The following ALPK1 variants were observed in gnomAD, a reference collection of about 807,000 sequenced individuals.
ALPK1 encodes alpha kinase 1.
A neutral mutation model predicts 120.6 loss-of-function variants in ALPK1; 110 were observed. That is an observed-to-expected ratio of 0.91 (90% CI 0.78 to 1.07). The LOEUF (loss-of-function observed/expected upper bound fraction) is 1.07, where lower values mean the gene tolerates loss of function less well. Among genes scored for constraint, ALPK1 ranks in the 50% least tolerant of loss-of-function variants. The probability of loss-of-function intolerance (pLI) is 0.00; values close to 1 mark genes in which losing one functional copy is unlikely to be tolerated. For missense variants in ALPK1, 1,498 were observed against 1,483.9 expected, an observed-to-expected ratio of 1.01 and a Z score of -0.16; for synonymous variants, 582 against 560.3, an observed-to-expected ratio of 1.04 and a Z score of -0.55.
At chr4:112,363,065 C>T (rs1022541397) in intron 2 of ALPK1, among the ~76,000 whole-genome samples, 1 of 152,196 alleles carries the variant, frequency 6.6e-6, no homozygotes, top group African/African-American at 2.4e-5. Flanking sequence ...CAAGCCAGCA[C>T]TGCAAGAACT....
At chr4:112,357,438 C>G in intron 2 of ALPK1, 1 of 703,148 alleles carries the variant, frequency 1.4e-6, no homozygotes, top group Non-Finnish European at 2.6e-6. Flanking sequence ...CCATCTGATG[C>G]CTGGAGCACC....
chr4:112,405,893 C>T (rs920950399), intron 4 of ALPK1, among the ~76,000 whole-genome samples: 1 of 152,116 alleles, frequency 6.6e-6, no homozygotes, highest in African/African-American at 2.4e-5. Context: ...ATTTCTTATT[C>T]CCAGATTAGG....
chr4:112,369,055 T>G (rs572210876), intron 2 of ALPK1, among the ~76,000 whole-genome samples: 2 of 152,372 alleles, frequency 1.3e-5, no homozygotes, highest in Admixed American at 1.3e-4. Context: ...TGAGTACTGC[T>G]TCCTCTCTTG....
chr4:112,308,986 G>T (rs1027641278), intron 1 of ALPK1, among the ~76,000 whole-genome samples: 1 of 152,154 alleles, frequency 6.6e-6, no homozygotes, highest in African/African-American at 2.4e-5. Flanking sequence ...CTCAGCTGCA[G>T]GTCTGTTGGA....
At chr4:112,439,388 C>A (rs1286912828) in intron 13 of ALPK1, among the ~76,000 whole-genome samples, 1 of 152,154 alleles carries the variant, frequency 6.6e-6, no homozygotes, top group Non-Finnish European at 1.5e-5. Context: ...GTAACCTAGC[C>A]TCCAGGACAG....
At chr4:112,376,448 C>T (rs1308903794) in intron 2 of ALPK1, among the ~76,000 whole-genome samples, 2 of 152,058 alleles carry the variant, frequency 1.3e-5, no homozygotes, top group African/African-American at 4.8e-5. Context: ...ACGAAGTATA[C>T]CTGCCAAGTT....
intron 2 of ALPK1, among the ~76,000 whole-genome samples, chr4:112,374,403 T>C (rs1731559147): frequency 6.6e-6 from 1 of 152,220 alleles, no homozygotes; most frequent in Non-Finnish European, 1.5e-5. Context: ...TGCAGCTACT[T>C]CCACCACTGA....
intron 2 of ALPK1, among the ~76,000 whole-genome samples, chr4:112,374,268 C>T (rs983672595): frequency 1.3e-5 from 2 of 152,190 alleles, no homozygotes; most frequent in Non-Finnish European, 2.9e-5. Context: ...TCTCAAGAAA[C>T]CACCTTCCTT....
At position 112,430,952 on chromosome 4, in the gene ALPK1, G is replaced by A. The variant is rs1457940918; in HGVS notation, c.1405G>A (p.Val469Ile). Residue 469 changes from valine to isoleucine, a missense_variant, in exon 11 of 16, where the codon GTA becomes ATA. Physicochemically the swap from Val to Ile is conservative, Grantham distance 29. Transcript: ENST00000650871. ...ACAGCACCATACTTCGGTGTGTGAA[G>A]TATTTGAAAGTGATTGTGGAAACAA... Reference protein sequence around the residue: ...YSQHHTSVCEVFESDCGNNKN... With the variant: ...YSQHHTSVCEIFESDCGNNKN... The A allele has an allele frequency of 1.2e-6, 2 of 1,614,006 alleles. No individual in the cohort carries two copies. Among genetic ancestry groups the A allele is most frequent in the South Asian group, 1.1e-5 (1 of 91,084 alleles).
chr4:112,403,668 A>T (rs554056324), intron 4 of ALPK1, among the ~76,000 whole-genome samples: 1 of 152,214 alleles, frequency 6.6e-6, no homozygotes, highest in African/African-American at 2.4e-5. Context: ...TTAGAAATGA[A>T]TTCAGTGAGT....
rs1448011184 is a variant in ALPK1 at position 112,441,037 on chromosome 4, A to G, written c.3659A>G (p.Asn1220Ser). ...GKRGIFYFFNNQHVECNEICH... is the reference protein window; with the variant it reads ...GKRGIFYFFNSQHVECNEICH... ...AGAGGAATTTTTTACTTCTTTAATA[A>G]CCAGCATGTGGAATGTAATGAAATC... Residue 1220 changes from asparagine to serine, a missense_variant, in exon 15 of 16, where the codon AAC becomes AGC. Transcript: ENST00000650871. The G allele has an allele frequency of 1.2e-6, 2 of 1,613,996 alleles. No individual in the cohort carries two copies. The highest frequency in any genetic ancestry group is 3.3e-5 in the Admixed American group (2 of 59,996).
chr4:112,382,034 TCCATTTCAGTC>T (rs1348066248), intron 3 of ALPK1, among the ~76,000 whole-genome samples: 1 of 152,214 alleles, frequency 6.6e-6, no homozygotes, highest in Non-Finnish European at 1.5e-5. Context: ...AGAATGCCAT[TCCATTTCAGTC>T]CCTTTCTCAT....
At chr4:112,358,653 A>T (rs1424392306) in intron 2 of ALPK1, 1 of 710,954 alleles carries the variant, frequency 1.4e-6, no homozygotes, top group African/African-American at 1.7e-5. Context: ...GCAGGCCCAC[A>T]GGTGCTCCAC....
At chr4:112,330,091 G>A (rs4834262) in intron 2 of ALPK1, among the ~76,000 whole-genome samples, 101,606 of 152,174 alleles carry the variant, frequency 0.67, 34,408 homozygotes, top group East Asian at 0.89. Flanking sequence ...AATGAAGAGA[G>A]CAGCTTGGGT....
chr4:112,369,652 C>T (rs1383634860), intron 2 of ALPK1, among the ~76,000 whole-genome samples: 2 of 152,036 alleles, frequency 1.3e-5, no homozygotes, highest in Non-Finnish European at 2.9e-5. Flanking sequence ...CACTCCACTC[C>T]AGCCTGGGTG....
At chr4:112,423,795 T>C in intron 5 of ALPK1, 149 bp from the exon 6 acceptor site, 2 of 775,142 alleles carry the variant, frequency 2.6e-6, no homozygotes, top group South Asian at 1.5e-5. Context: ...ATAGATGATG[T>C]CATTGTTGAT....
chr4:112,428,942 T>G (rs745879260), intron 9 of ALPK1, among the ~76,000 whole-genome samples: 3 of 152,244 alleles, frequency 2.0e-5, no homozygotes, highest in Non-Finnish European at 4.4e-5. Context: ...CAAATTATTT[T>G]GCACAGGTGT....
intron 2 of ALPK1, among the ~76,000 whole-genome samples, chr4:112,368,794 T>C (rs1731266636): frequency 6.6e-6 from 1 of 152,172 alleles, no homozygotes; most frequent in Non-Finnish European, 1.5e-5. Flanking sequence ...GGATGAGGAT[T>C]TATTTTTTAG....
At chr4:112,370,198 A>G (rs1221838268) in intron 2 of ALPK1, among the ~76,000 whole-genome samples, 2 of 152,224 alleles carry the variant, frequency 1.3e-5, no homozygotes, top group Admixed American at 6.5e-5. Flanking sequence ...TAACTAAGCC[A>G]CTCAACTAAA....
Sources: allele counts gnomAD v4.1 joint callset (sites outside exome capture counted in the v4.1 genomes callset), GRCh38; gene constraint gnomAD v4.1.1; transcripts MANE v1.5; gene names NCBI Gene and HGNC (gene_info 2026-07-23, HGNC 2026-07-21).